The following TRPS1 variants were observed in gnomAD, a reference collection of about 807,000 sequenced individuals.
TRPS1 encodes the protein zinc finger transcription factor Trps1.
TRPS1 carries 6 observed loss-of-function variants against 101.2 expected under a neutral mutation model. That is an observed-to-expected ratio of 0.06 (90% CI 0.03 to 0.12). The LOEUF (loss-of-function observed/expected upper bound fraction) is 0.12. Among genes scored for constraint, TRPS1 ranks in the 10% least tolerant of loss-of-function variants. TRPS1 has a pLI of 1.00. For missense variants in TRPS1, 1,363 were observed against 1,567.0 expected (o/e 0.87, Z 2.20); for synonymous variants, 578 against 589.8 (o/e 0.98, Z 0.29).
intron 1 of TRPS1, chr8:115,667,978 C>T: frequency 1.5e-6 from 2 of 1,373,656 alleles, no homozygotes; most frequent in Non-Finnish European, 1.0e-6. Flanking sequence ...CCACCTCCAG[C>T]TCCTCCGCTG....
chr8:115,433,681 A>C (rs1047278266), intron 5 of TRPS1, among the ~76,000 whole-genome samples: 1 of 152,156 alleles, frequency 6.6e-6, no homozygotes, highest in Non-Finnish European at 1.5e-5. Context: ...ACTTCAGACA[A>C]GTAATAAATT....
In TRPS1 at chr8:115,516,861, A is replaced by C. The variant is rs188411570; in HGVS notation, c.2700+70140T>G. Among the ~76,000 whole-genome samples the C allele has an allele frequency of 8.0e-3, 1,221 of 151,712 alleles. 10 individuals are homozygous for C. The highest frequency in any genetic ancestry group is 0.025 in the South Asian group (121 of 4,816). On this transcript the variant is annotated intron_variant, in intron 5 of 6. Coordinates refer to ENST00000395715, the MANE Select transcript of TRPS1 (RefSeq NM_014112.5). ...TTACTATATAACACTATCACTGAAC[A>C]AACAGATAAAAACATAATAAAACAA...
chr8:115,431,534 A>C (rs1813319224), intron 5 of TRPS1, among the ~76,000 whole-genome samples: 1 of 151,970 alleles, frequency 6.6e-6, no homozygotes, highest in African/African-American at 2.4e-5. Flanking sequence ...TAAGGATTAC[A>C]TTACATAACT....
At chr8:115,423,292 T>A (rs542252067) in intron 5 of TRPS1, among the ~76,000 whole-genome samples, 2 of 152,348 alleles carry the variant, frequency 1.3e-5, no homozygotes, top group Admixed American at 1.3e-4. Context: ...CGTTGGCTGG[T>A]AATTTCCTAT....
intron 5 of TRPS1, among the ~76,000 whole-genome samples, chr8:115,426,728 G>A (rs1053059300): frequency 1.3e-5 from 2 of 152,196 alleles, no homozygotes; most frequent in Middle Eastern, 3.4e-3. Context: ...CTTTAACATG[G>A]TCAAAAGCAT....
At chr8:115,555,868 CAAAA>C (rs11352416) in intron 5 of TRPS1, among the ~76,000 whole-genome samples, 17 of 148,946 alleles carry the variant, frequency 1.1e-4, no homozygotes, top group Non-Finnish European at 2.1e-4. Context: ...AACAAACAAA[CAAAA>C]AAAAAAGCCA....
chr8:115,558,961 G>A (rs982605203), intron 5 of TRPS1, among the ~76,000 whole-genome samples: 6 of 152,096 alleles, frequency 3.9e-5, no homozygotes, highest in South Asian at 4.1e-4. Flanking sequence ...GGGTAACATT[G>A]CTATCAGAAT....
At chr8:115,562,621 A>G (rs1375672978) in intron 5 of TRPS1, among the ~76,000 whole-genome samples, 1 of 152,040 alleles carries the variant, frequency 6.6e-6, no homozygotes, top group Non-Finnish European at 1.5e-5. Context: ...AGACTAACTG[A>G]ATATAGACTA....
chr8:115,648,020 T>C (rs1276225019), intron 1 of TRPS1, among the ~76,000 whole-genome samples: 1 of 152,018 alleles, frequency 6.6e-6, no homozygotes, highest in Non-Finnish European at 1.5e-5. Context: ...CACAGGTGAA[T>C]AAGATTTAAG....
chr8:115,637,442 T>A (rs1818796046), intron 1 of TRPS1: 1 of 385,764 alleles, frequency 2.6e-6, no homozygotes, highest in Non-Finnish European at 3.5e-6. Context: ...AATCTTCAAC[T>A]CTGATCGTAA....
rs1586343209 is a variant in TRPS1, at chr8:115,505,423, A to G, written c.2700+81578T>C. Among the ~76,000 whole-genome samples, 6 of 152,152 alleles carry G rather than the reference A, an allele frequency of 3.9e-5. 1 individual carries two copies. Among genetic ancestry groups the G allele is most frequent in the Admixed American group, 3.9e-4 (6 of 15,274 alleles). On this transcript the variant is annotated intron_variant, in intron 5 of 6. Coordinates refer to ENST00000395715, the MANE Select transcript of TRPS1 (RefSeq NM_014112.5). Reference sequence around the variant, plus strand: ...CCTGTGGCTAGTAATGACATGGGAAAACCTATGCGCTAAAATTTTTTCATG... The same window carrying G: ...CCTGTGGCTAGTAATGACATGGGAAGACCTATGCGCTAAAATTTTTTCATG...
intron 3 of TRPS1, among the ~76,000 whole-genome samples, chr8:115,617,792 T>A (rs150666293): frequency 6.6e-6 from 1 of 152,182 alleles, no homozygotes; most frequent in South Asian, 2.1e-4. Context: ...GTAGCTTTCA[T>A]GCATAATAAC....
intron 5 of TRPS1, among the ~76,000 whole-genome samples, chr8:115,570,689 TCACACACA>T (rs35198890): frequency 7.0e-4 from 67 of 95,784 alleles, no homozygotes; most frequent in African/African-American, 2.0e-3. Context: ...ACACACACAC[TCACACACA>T]CACACACACA....
At chr8:115,625,836 A>C (rs565996504) in intron 1 of TRPS1, among the ~76,000 whole-genome samples, 1 of 151,998 alleles carries the variant, frequency 6.6e-6, no homozygotes, top group African/African-American at 2.4e-5. Context: ...CTCAGTTTCA[A>C]ATCTTGTTGC....
intron 4 of TRPS1, among the ~76,000 whole-genome samples, chr8:115,594,298 T>C (rs961755880): frequency 6.6e-6 from 1 of 152,114 alleles, no homozygotes; most frequent in African/African-American, 2.4e-5. Context: ...ACTGTCTTCA[T>C]ATTATCTGAG....
intron 5 of TRPS1, among the ~76,000 whole-genome samples, chr8:115,531,346 C>T (rs1816127177): frequency 6.6e-6 from 1 of 152,068 alleles, no homozygotes; most frequent in Admixed American, 6.6e-5. Flanking sequence ...GTTTGCAAAT[C>T]GGGTCACTAG....
intron 5 of TRPS1, among the ~76,000 whole-genome samples, chr8:115,530,941 A>T (rs1438771694): frequency 6.6e-6 from 1 of 151,906 alleles, no homozygotes; most frequent in African/African-American, 2.4e-5. Flanking sequence ...GGGGTGGGGG[A>T]AGGGGGGAGG....
At chr8:115,516,875 A>G (rs544779540) in intron 5 of TRPS1, among the ~76,000 whole-genome samples, 1 of 151,772 alleles carries the variant, frequency 6.6e-6, no homozygotes, top group African/African-American at 2.4e-5. Context: ...AGATAAAAAC[A>G]TAATAAAACA....
chr8:115,508,958 T>G (rs1296033761), intron 5 of TRPS1, among the ~76,000 whole-genome samples: 1 of 152,028 alleles, frequency 6.6e-6, no homozygotes, highest in Non-Finnish European at 1.5e-5. Context: ...TAAAATGTTT[T>G]GAATTGTGAG....
Sources: allele counts gnomAD v4.1 joint callset (sites outside exome capture counted in the v4.1 genomes callset), GRCh38; gene constraint gnomAD v4.1.1; transcripts MANE v1.5; gene names NCBI Gene and HGNC (gene_info 2026-07-23, HGNC 2026-07-21).